Variants in PRDM5 observed in about 807,000 individuals in gnomAD.
PRDM5 encodes PR/SET domain 5, also known as PR domain zinc finger protein 5.
A neutral mutation model predicts 81.2 loss-of-function variants in PRDM5; 56 were observed. The ratio of observed to expected loss-of-function variants is 0.69; its 90% CI spans 0.56 to 0.86. The LOEUF (loss-of-function observed/expected upper bound fraction) is 0.86. Ranked by LOEUF, PRDM5 falls within the 40% of genes least tolerant of loss-of-function variation. The pLI is 0.00. For synonymous variants in PRDM5, 267 were observed against 256.4 expected (o/e 1.04, Z -0.39); for missense variants, 697 against 770.1 (o/e 0.91, Z 1.12).
At chr4:120,712,487 C>T (rs576106835) in intron 14 of PRDM5, among the ~76,000 whole-genome samples, 18 of 152,116 alleles carry the variant, frequency 1.2e-4, no homozygotes, top group Non-Finnish European at 1.8e-4. Context: ...AATACAGGTG[C>T]CGCTCTCAAT....
At chr4:120,862,586 G>C (rs765553875) in intron 2 of PRDM5, among the ~76,000 whole-genome samples, 17 of 152,186 alleles carry the variant, frequency 1.1e-4, no homozygotes, top group Non-Finnish European at 2.2e-4. Flanking sequence ...AGTCCTGCCT[G>C]TAAGTTTGGC....
chr4:120,724,987 A>G (rs1313632008), intron 14 of PRDM5, among the ~76,000 whole-genome samples: 1 of 152,186 alleles, frequency 6.6e-6, no homozygotes, highest in African/African-American at 2.4e-5. Context: ...TGCTGAAAAA[A>G]CAGCTTATTT....
chr4:120,784,090 T>C (rs1749423164), intron 11 of PRDM5, among the ~76,000 whole-genome samples: 2 of 152,268 alleles, frequency 1.3e-5, no homozygotes, highest in South Asian at 2.1e-4. Flanking sequence ...ACACAATTTT[T>C]CCATTAATTT....
At chr4:120,720,151 A>G (rs13145830) in intron 14 of PRDM5, among the ~76,000 whole-genome samples, 33,302 of 152,016 alleles carry the variant, frequency 0.22, 3,899 homozygotes, top group Non-Finnish European at 0.28. Flanking sequence ...GTACTCTTAT[A>G]TGATAGGGTA....
At chr4:120,790,673 G>A (rs11736662) in intron 10 of PRDM5, among the ~76,000 whole-genome samples, 134,649 of 152,272 alleles carry the variant, frequency 0.88, 59,593 homozygotes, top group East Asian at 0.92. Flanking sequence ...CAGTTCCTGA[G>A]TAGCAAATAG....
intron 14 of PRDM5, among the ~76,000 whole-genome samples, chr4:120,718,452 T>G (rs1738119748): frequency 6.6e-6 from 1 of 152,208 alleles, no homozygotes; most frequent in Non-Finnish European, 1.5e-5. Context: ...ACATATTTCA[T>G]CAGATAATTA....
At chr4:120,780,830 C>T (rs958248487) in intron 12 of PRDM5, among the ~76,000 whole-genome samples, 2 of 152,092 alleles carry the variant, frequency 1.3e-5, no homozygotes, top group Non-Finnish European at 1.5e-5. Context: ...AAACAGCCTA[C>T]ATTAATTCAA....
intron 12 of PRDM5, 68 bp downstream of exon 12, chr4:120,781,071 TGTTA>T: frequency 7.9e-7 from 1 of 1,266,806 alleles, no homozygotes; most frequent in Non-Finnish European, 1.1e-6. Context: ...AATTATCACA[TGTTA>T]GTTAACATAT....
At chr4:120,707,635 G>T (rs920060939) in intron 15 of PRDM5, among the ~76,000 whole-genome samples, 2 of 151,174 alleles carry the variant, frequency 1.3e-5, no homozygotes, top group African/African-American at 4.9e-5. Context: ...TGAATTCTTA[G>T]ATATAACACC....
chr4:120,752,249 T>G (rs561709241), intron 14 of PRDM5, among the ~76,000 whole-genome samples: 1 of 151,922 alleles, frequency 6.6e-6, no homozygotes, highest in South Asian at 2.1e-4. Flanking sequence ...ATTCAATGCT[T>G]AGGAAACAGG....
intron 2 of PRDM5, among the ~76,000 whole-genome samples, chr4:120,905,701 A>G (rs929726326): frequency 1.4e-4 from 22 of 152,106 alleles, no homozygotes; most frequent in Non-Finnish European, 2.4e-4. Context: ...AAATATATAT[A>G]CTATCTCCTT....
chr4:120,852,579 T>TA (rs1578990584), intron 3 of PRDM5, among the ~76,000 whole-genome samples: 1 of 152,040 alleles, frequency 6.6e-6, no homozygotes, highest in East Asian at 1.9e-4. Flanking sequence ...CCATTAGACT[T>TA]AAACTGGTAC....
intron 13 of PRDM5, among the ~76,000 whole-genome samples, chr4:120,759,216 T>C (rs1745242789): frequency 6.6e-6 from 1 of 152,202 alleles, no homozygotes; most frequent in African/African-American, 2.4e-5. Flanking sequence ...CTGGGAAACT[T>C]GGGTAAGTTC....
At chr4:120,883,348 G>T (rs570993528) in intron 2 of PRDM5, among the ~76,000 whole-genome samples, 9 of 152,082 alleles carry the variant, frequency 5.9e-5, no homozygotes, top group African/African-American at 2.2e-4. Context: ...AAAAACATAG[G>T]AAACCTGACT....
chr4:120,885,669 C>T (rs1314963843), intron 2 of PRDM5: 1 of 152,294 alleles, frequency 6.6e-6, no homozygotes, highest in Admixed American at 6.6e-5. Context: ...TGGCACATGC[C>T]TGTGATCCCA....
At chr4:120,897,264 G>T (rs1764740152) in intron 2 of PRDM5, among the ~76,000 whole-genome samples, 1 of 151,714 alleles carries the variant, frequency 6.6e-6, no homozygotes, top group South Asian at 2.1e-4. Flanking sequence ...ATTCTAGATT[G>T]GCAGCTATTT....
chr4:120,730,740 T>C (rs1043725785), intron 14 of PRDM5, among the ~76,000 whole-genome samples: 5 of 152,322 alleles, frequency 3.3e-5, no homozygotes, highest in Middle Eastern at 3.4e-3. Flanking sequence ...TATTAAAGTC[T>C]AAAGATAATA....
In PRDM5 at chr4:120,917,471, C is replaced by T. The variant is rs114109465; in HGVS notation, c.93+5045G>A. On this transcript the variant is annotated intron_variant, in intron 1 of 15. Coordinates refer to ENST00000264808, the MANE Select transcript of PRDM5 (RefSeq NM_018699.4). ...ATATTTAACATAGTATAAAATTTAT[C>T]TTATAGGTCTGTTATCTTGTGTCTT... Among the ~76,000 whole-genome samples the T allele has an allele frequency of 2.6e-3, 399 of 151,912 alleles. 1 individual carries two copies. Among genetic ancestry groups the T allele is most frequent in the African/African-American group, 9.0e-3 (374 of 41,436 alleles).
At chr4:120,830,027 C>T (rs972277795) in intron 3 of PRDM5, among the ~76,000 whole-genome samples, 3 of 152,030 alleles carry the variant, frequency 2.0e-5, no homozygotes, top group African/African-American at 4.8e-5. Context: ...ACCTGTGTAT[C>T]GATATGTCTA....
Sources: gnomAD v4.1 joint callset for allele counts (sites outside exome capture counted in the v4.1 genomes callset) on GRCh38, gnomAD v4.1.1 for gene constraint, MANE v1.5 for transcripts, NCBI Gene and HGNC (gene_info 2026-07-23, HGNC 2026-07-21) for gene names.